The following ACTR1A variants were observed in gnomAD, a reference collection of about 807,000 sequenced individuals.
ACTR1A encodes the protein alpha-centractin.
ACTR1A carries 10 observed loss-of-function variants against 50.7 expected under a neutral mutation model. That is an observed-to-expected ratio of 0.20 (90% confidence interval 0.12 to 0.33). ACTR1A has a LOEUF of 0.33. ACTR1A is among the 10% of genes least tolerant of loss of function. ACTR1A has a pLI of 1.00. For synonymous variants in ACTR1A, 177 were observed against 184.2 expected, an observed-to-expected ratio of 0.96 and a Z score of 0.32; for missense variants, 253 against 491.7, an observed-to-expected ratio of 0.51 and a Z score of 4.59.
chr10:102,488,392 T>A lies in ACTR1A; in HGVS notation c.190-117A>T. On this transcript the variant is annotated intron_variant, in intron 3 of 10. Transcript: ENST00000369905. The surrounding 1 kb of genome is among the most constrained non-coding windows in gnomAD (Gnocchi z 4.4). ...CAAAGAAGCCTCAGCTTCCTGAGCT[T>A]CCACCCTGCTGTCCTTGCCCAGGGC... 1 of 1,437,274 alleles carries A rather than the reference T, an allele frequency of 7.0e-7. No individual in the cohort carries two copies. The highest frequency in any genetic ancestry group is 1.2e-5 in the South Asian group (1 of 81,676). 89.0% of individuals were successfully genotyped at this position (1,437,274 alleles called of 1,614,324 possible).
chr10:102,491,723 C>T (rs2062195224), intron 1 of ACTR1A, among the ~76,000 whole-genome samples: 1 of 152,162 alleles, frequency 6.6e-6, no homozygotes, highest in Admixed American at 6.6e-5. Flanking sequence ...CAACCCTGTG[C>T]AGGACAGATG....
chr10:102,482,320 G>T lies in ACTR1A; in HGVS notation c.751-145C>A. ...TCAAGACAGACTCTACATGTCAAGGGCTTAAAGGAACAAAGATAGGCCTCC... is the reference window on the plus strand; with the variant it reads ...TCAAGACAGACTCTACATGTCAAGGTCTTAAAGGAACAAAGATAGGCCTCC... On this transcript the variant is annotated intron_variant, in intron 7 of 10. Transcript: ENST00000369905. This position sits in a 1 kb window ranked among gnomAD's most constrained non-coding sequence, Gnocchi z 5.6. 1.4e-6 allele frequency: 1 copy of T among 734,080 alleles called. No homozygotes were observed. Among genetic ancestry groups the T allele is most frequent in the Non-Finnish European group, 2.2e-6 (1 of 446,528 alleles). The allele number at this position is 734,080 out of a possible 1,614,324, so 45.5% of individuals were successfully genotyped here.
Position 102,484,395 on chromosome 10 carries a change from C to T in ACTR1A, c.441-19G>A. The T allele has an allele frequency of 1.3e-6, 2 of 1,599,896 alleles. No individual in the cohort carries two copies. Among genetic ancestry groups the T allele is most frequent in the Non-Finnish European group, 1.7e-6 (2 of 1,167,410 alleles). On this transcript the variant is annotated intron_variant, in intron 5 of 10. Transcript: ENST00000369905. ...AGCGTAACTGAAGCAAAGGGGCAAA[C>T]CGTCACTCAGCACTGCCTCCTCACG...
chr10:102,483,145 G>A, intron 6 of ACTR1A, 42 bp from the exon 7 acceptor site: 1 of 1,468,440 alleles, frequency 6.8e-7, no homozygotes, highest in Non-Finnish European at 9.5e-7. Flanking sequence ...AGGAAATCTG[G>A]TGCACATCCA....
intron 1 of ACTR1A, among the ~76,000 whole-genome samples, chr10:102,495,684 G>C (rs919703806): frequency 2.0e-5 from 3 of 151,072 alleles, no homozygotes; most frequent in African/African-American, 7.3e-5. Flanking sequence ...AGCCGAGATT[G>C]CGCCACTGCA....
At chr10:102,481,298 G>GA in intron 9 of ACTR1A, 126 bp from the exon 10 acceptor site, 1 of 1,061,044 alleles carries the variant, frequency 9.4e-7, no homozygotes, top group Non-Finnish European at 1.3e-6. Context: ...TGGCCTCTCT[G>GA]GAGGGCACTG....
chr10:102,479,911 T>G lies in ACTR1A; in HGVS notation c.*952A>C. On this transcript the variant is annotated 3_prime_UTR_variant, in exon 11 of 11. Transcript: ENST00000369905. This position sits in a 1 kb window ranked among gnomAD's most constrained non-coding sequence, Gnocchi z 4.0. ...AGAAAGAGCCTGGTGGGAGTGTCTT[T>G]GAGTGTAGCTTCCAATCTCAAATGG... 6.4e-6 allele frequency: 2 copies of G among 314,274 alleles called. No individual in the cohort carries two copies. Among genetic ancestry groups the G allele is most frequent in the Non-Finnish European group, 1.3e-5 (2 of 156,374 alleles). 19.5% of individuals were successfully genotyped at this position (314,274 alleles called of 1,614,324 possible).
chr10:102,486,451 A>G (rs955952101), intron 4 of ACTR1A, among the ~76,000 whole-genome samples: 1 of 152,126 alleles, frequency 6.6e-6, no homozygotes, highest in African/African-American at 2.4e-5. Context: ...GCACCTTGGG[A>G]GGCTGAGGCG....
chr10:102,483,934 C>T (rs1201140221), intron 6 of ACTR1A: 3 of 569,360 alleles, frequency 5.3e-6, no homozygotes, highest in Non-Finnish European at 9.5e-6. Flanking sequence ...TAGCCATCAC[C>T]CAACTGAAGA....
chr10:102,502,567 A>G (rs771612433), intron 1 of ACTR1A, 33 bp downstream of exon 1: 2 of 1,613,066 alleles, frequency 1.2e-6, no homozygotes, highest in East Asian at 4.5e-5. Flanking sequence ...GGAGAGCCCA[A>G]GTCCCCTTAT....
intron 4 of ACTR1A, among the ~76,000 whole-genome samples, chr10:102,485,970 C>T (rs2062166361): frequency 6.6e-6 from 1 of 152,190 alleles, no homozygotes; most frequent in African/African-American, 2.4e-5. Flanking sequence ...CCCAACTCCC[C>T]TCCTTGTCCT....
At position 102,484,389 on chromosome 10, in the gene ACTR1A, G is replaced by A. The variant is rs371581447; in HGVS notation, c.441-13C>T. The A allele has an allele frequency of 1.2e-6, 2 of 1,608,394 alleles. No individual in the cohort carries two copies. Among genetic ancestry groups the A allele is most frequent in the East Asian group, 2.2e-5 (1 of 44,784 alleles). ...GCCTGTAGCGTAACTGAAGCAAAGGGGCAAACCGTCACTCAGCACTGCCTC... is the reference window on the plus strand; with the variant it reads ...GCCTGTAGCGTAACTGAAGCAAAGGAGCAAACCGTCACTCAGCACTGCCTC... On this transcript the variant is annotated splice_polypyrimidine_tract_variant and intron_variant, in intron 5 of 10. Coordinates refer to ENST00000369905, the MANE Select transcript of ACTR1A (RefSeq NM_005736.4).
chr10:102,481,784 C>T, intron 9 of ACTR1A, 53 bp downstream of exon 9: 1 of 1,601,748 alleles, frequency 6.2e-7, no homozygotes, highest in South Asian at 1.1e-5. Flanking sequence ...CCAGGTGGCA[C>T]TCTGTCCATG....
At chr10:102,490,232 CAAAAAAAAA>C (rs145472595) in intron 2 of ACTR1A, among the ~76,000 whole-genome samples, 67 of 45,720 alleles carry the variant, frequency 1.5e-3, no homozygotes, top group African/African-American at 6.0e-3. Flanking sequence ...GACTCCGTCT[CAAAAAAAAA>C]AAAAAAAAAA....
intron 5 of ACTR1A, 78 bp downstream of exon 5, chr10:102,485,531 T>G: frequency 5.0e-6 from 8 of 1,588,742 alleles, no homozygotes; most frequent in Non-Finnish European, 6.9e-6. Context: ...CTCTGAACCA[T>G]TCCAGAGGAG....
intron 1 of ACTR1A, among the ~76,000 whole-genome samples, chr10:102,494,998 A>AG (rs1456270879): frequency 2.6e-5 from 4 of 151,912 alleles, no homozygotes; most frequent in Admixed American, 6.6e-5. Flanking sequence ...TTTAGTGTAG[A>AG]GGGGGTTTCA....
chr10:102,501,748 T>C (rs1020958332), intron 1 of ACTR1A, among the ~76,000 whole-genome samples: 3 of 152,216 alleles, frequency 2.0e-5, no homozygotes, highest in African/African-American at 7.2e-5. Context: ...TTTTAAACTA[T>C]GCGTCCAGTT....
Position 102,482,928 on chromosome 10 carries a change from T to C in ACTR1A, c.750+83A>G. 8.4e-7 allele frequency: 1 copy of C among 1,188,834 alleles called. No individual in the cohort carries two copies. Among genetic ancestry groups the C allele is most frequent in the Middle Eastern group, 2.3e-4 (1 of 4,288 alleles). The allele number at this position is 1,188,834 out of a possible 1,614,324, so 73.6% of individuals were successfully genotyped here. On this transcript the variant is annotated intron_variant, in intron 7 of 10. Coordinates refer to ENST00000369905, the MANE Select transcript of ACTR1A (RefSeq NM_005736.4). This position sits in a 1 kb window ranked among gnomAD's most constrained non-coding sequence, Gnocchi z 5.6. The stretch of plus-strand genomic sequence containing the variant: ...GTGTAAAGGGACTGGCCTGCCAGAC[T>C]CCAGACCCTGATGGAGAATTCTGGT...
chr10:102,502,051 C>T (rs935805355), intron 1 of ACTR1A, among the ~76,000 whole-genome samples: 2 of 152,226 alleles, frequency 1.3e-5, no homozygotes, highest in African/African-American at 2.4e-5. Context: ...GAAAACTTAG[C>T]CGTTCTCCAC....
Sources: allele counts gnomAD v4.1 joint callset (sites outside exome capture counted in the v4.1 genomes callset), GRCh38; gene constraint gnomAD v4.1.1; non-coding constraint Gnocchi (gnomAD v3.1); transcripts MANE v1.5; gene names NCBI Gene and HGNC (gene_info 2026-07-23, HGNC 2026-07-21).